GFER: variants seen among roughly 807,000 people sequenced by gnomAD.
GFER encodes growth factor, augmenter of liver regeneration, also known as FAD-linked sulfhydryl oxidase ALR.
A neutral mutation model predicts 18.2 loss-of-function variants in GFER; 24 were observed. The ratio of observed to expected loss-of-function variants is 1.32; its 90% confidence interval spans 0.96 to 1.86. The LOEUF (loss-of-function observed/expected upper bound fraction) is 1.86. Ranked by LOEUF, GFER falls within the 40% of genes most tolerant of loss-of-function variation. The pLI, the probability that GFER is intolerant of heterozygous loss-of-function variation, is 0.00. For missense variants in GFER, 316 were observed against 295.6 expected (o/e 1.07, Z -0.51); for synonymous variants, 138 against 126.9 (o/e 1.09, Z -0.59).
At position 1,984,784 on chromosome 16, in the gene GFER, G is replaced by A. The variant is rs1242356007; in HGVS notation, c.296G>A (p.Arg99His). ...TTTAGGGAGGACTGCCCGCCGGATCGCGAGGAACTGGGCCGCCACAGCTGG... is the reference window on the plus strand; with the variant it reads ...TTTAGGGAGGACTGCCCGCCGGATCACGAGGAACTGGGCCGCCACAGCTGG... The part of the protein sequence containing the change: ...TKFREDCPPD[R>H]EELGRHSWAV... The change falls in exon 2 of 3, where the codon CGC becomes CAC. Residue 99 changes from arginine to histidine, a missense_variant. Arg to His is a conservative substitution (Grantham distance 29, BLOSUM62 0). Transcript: ENST00000248114. 25 of 1,611,906 alleles carry A rather than the reference G, an allele frequency of 1.6e-5. No homozygotes were observed. The highest frequency in any genetic ancestry group is 2.1e-5 in the Non-Finnish European group (25 of 1,179,992).
chr16:1,986,996 G>A lies in GFER; in HGVS notation c.*968G>A, dbSNP rs2083570519. ...CCAGGGGATGGCATGGAGTGATGTGGCTTTGAAGGGTCCTCTGGCTGCTGA... is the reference window on the plus strand; with the variant it reads ...CCAGGGGATGGCATGGAGTGATGTGACTTTGAAGGGTCCTCTGGCTGCTGA... On this transcript the variant is annotated 3_prime_UTR_variant, in exon 3 of 3. Coordinates refer to ENST00000248114, the MANE Select transcript of GFER (RefSeq NM_005262.3). 1.3e-5 allele frequency: 2 copies of A among 152,424 alleles called. No individual in the cohort carries two copies. The highest frequency in any genetic ancestry group is 2.9e-5 in the Non-Finnish European group (2 of 68,250). The allele number at this position is 152,424 out of a possible 1,614,324, so 9.4% of individuals were successfully genotyped here. A position where few individuals can be genotyped will look rare whatever the true frequency, so the allele number is the denominator to read the frequency against.
chr16:1,985,561 C>T (rs145441654), intron 2 of GFER, among the ~76,000 whole-genome samples: 237 of 152,324 alleles, frequency 1.6e-3, no homozygotes, highest in Non-Finnish European at 2.5e-3. Context: ...CACTGGATGC[C>T]GCTTCCTGGG....
intron 2 of GFER, 29 bp from the exon 3 acceptor site, chr16:1,985,837 C>T (rs2083563259): frequency 6.2e-7 from 1 of 1,605,772 alleles, no homozygotes; most frequent in Non-Finnish European, 8.5e-7. Context: ...GCTGCGTCCT[C>T]TCATTCTTTA....
chr16:1,984,886 T>C lies in GFER; in HGVS notation c.398T>C (p.Ile133Thr). ...CAGCAGCAAGACATGGCCCAGTTCA[T>C]ACATTTATTTTCTAAGTTTTACCCC... The part of the protein sequence containing the change: ...PEQQQDMAQF[I>T]HLFSKFYPCE... Residue 133 changes from isoleucine (I) to threonine (T), a missense_variant, in exon 2 of 3, where the codon ATA (isoleucine) becomes ACA (threonine). Physicochemically the swap from Ile to Thr is moderately conservative, Grantham distance 89 (BLOSUM62 -1). Coordinates refer to ENST00000248114, the MANE Select transcript of GFER (RefSeq NM_005262.3). 1 of 1,613,844 alleles carries C rather than the reference T, an allele frequency of 6.2e-7. No individual in the cohort carries two copies. The highest frequency in any genetic ancestry group is 8.5e-7 in the Non-Finnish European group (1 of 1,179,994).
rs2083555170 is a variant in GFER, at chr16:1,984,878, C to T, written c.390C>T (p.Ala130=). 3 of 1,613,652 alleles carry T rather than the reference C, an allele frequency of 1.9e-6. No individual in the cohort carries two copies. Among genetic ancestry groups the T allele is most frequent in the African/African-American group, 1.3e-5 (1 of 74,940 alleles). Residue 130 remains alanine, a synonymous_variant, in exon 2 of 3, where the codon GCC becomes GCT. Coordinates refer to ENST00000248114, the MANE Select transcript of GFER (RefSeq NM_005262.3). Reference sequence around the variant, plus strand: ...CCCCAGAACAGCAGCAAGACATGGCCCAGTTCATACATTTATTTTCTAAGT... The same window carrying T: ...CCCCAGAACAGCAGCAAGACATGGCTCAGTTCATACATTTATTTTCTAAGT... The part of the protein sequence containing the change: ...LPTPEQQQDM[A]QFIHLFSKFY...
chr16:1,985,148 G>A (rs2083557577), intron 2 of GFER: 1 of 640,228 alleles, frequency 1.6e-6, no homozygotes, highest in Admixed American at 2.3e-5. Flanking sequence ...ATCTGCTGCT[G>A]GGTACTGCTC....
Position 1,987,138 on chromosome 16 carries a change from TAAAG to T in GFER, c.*1111_*1114del, listed in dbSNP as rs1173438431. On this transcript the variant is annotated 3_prime_UTR_variant, in exon 3 of 3. Coordinates refer to ENST00000248114, the MANE Select transcript of GFER (RefSeq NM_005262.3). The stretch of plus-strand genomic sequence containing the variant: ...CGGCGGGGACAGATGCGGGGTACGT[TAAAG>T]GGAGAGCCAGAGAACTCATGGGGTG... 6.6e-6 allele frequency: 1 copy of T among 150,660 alleles called. No individual in the cohort carries two copies. The highest frequency in any genetic ancestry group is 1.5e-5 in the Non-Finnish European group (1 of 67,950). 9.3% of individuals were successfully genotyped at this position (150,660 alleles called of 1,614,324 possible). A position where few individuals can be genotyped will look rare whatever the true frequency, so the allele number is the denominator to read the frequency against.
At position 1,986,249 on chromosome 16, in the gene GFER, G is replaced by T; in HGVS notation, c.*221G>T. ...GCCCCCTCCTCAGTGGAGACCCCAAGGAGCTGCAGCTGAACTGCAGGGGAG... is the reference window on the plus strand; with the variant it reads ...GCCCCCTCCTCAGTGGAGACCCCAATGAGCTGCAGCTGAACTGCAGGGGAG... On this transcript the variant is annotated 3_prime_UTR_variant, in exon 3 of 3. Transcript: ENST00000248114. The T allele has an allele frequency of 1.7e-6, 1 of 585,492 alleles. No homozygotes were observed. The highest frequency in any genetic ancestry group is 3.1e-6 in the Non-Finnish European group (1 of 322,898). The allele number at this position is 585,492 out of a possible 1,614,324, so 36.3% of individuals were successfully genotyped here.
chr16:1,986,275 G>A lies in GFER; in HGVS notation c.*247G>A. 3.7e-6 allele frequency: 2 copies of A among 542,864 alleles called. No homozygotes were observed. The highest frequency in any genetic ancestry group is 5.9e-5 in the Admixed American group (2 of 33,846). The allele number at this position is 542,864 out of a possible 1,614,324, so 33.6% of individuals were successfully genotyped here. A position where few individuals can be genotyped will look rare whatever the true frequency, so the allele number is the denominator to read the frequency against. ...GAGCTGCAGCTGAACTGCAGGGGAG[G>A]GAAGGAGGAGCAGCCTGGGCTGCCC... On this transcript the variant is annotated 3_prime_UTR_variant, in exon 3 of 3. Coordinates refer to ENST00000248114, the MANE Select transcript of GFER (RefSeq NM_005262.3).
In GFER at chr16:1,984,393, T is replaced by C; in HGVS notation, c.175T>C (p.Ser59Pro). 6.5e-7 allele frequency: 1 copy of C among 1,535,888 alleles called. No homozygotes were observed. The highest frequency in any genetic ancestry group is 1.2e-5 in the South Asian group (1 of 83,928). ...GCCAGCCCAGGCGCCGACCTCCGAT[T>C]CTCCTGTCGCCGAGGACGCCTCCCG... Reference protein sequence around the residue: ...STPAQAPTSDSPVAEDASRRR... With the variant: ...STPAQAPTSDPPVAEDASRRR... Residue 59 changes from serine to proline, a missense_variant, in exon 1 of 3, where the codon TCT (serine) becomes CCT (proline). Coordinates refer to ENST00000248114, the MANE Select transcript of GFER (RefSeq NM_005262.3).
In GFER at chr16:1,984,835, A is replaced by G; in HGVS notation, c.347A>G (p.Tyr116Cys). Residue 116 changes from tyrosine (Y) to cysteine (C), a missense_variant, in exon 2 of 3, where the codon TAC becomes TGC. Physicochemically the swap from Tyr to Cys is radical, Grantham distance 194. Transcript: ENST00000248114. ...GCTGTCCTCCACACCCTGGCCGCCT[A>G]CTACCCCGACCTGCCCACCCCAGAA... ...SWAVLHTLAA[Y>C]YPDLPTPEQQ... 2 of 1,613,538 alleles carry G rather than the reference A, an allele frequency of 1.2e-6. No homozygotes were observed.
intron 2 of GFER, among the ~76,000 whole-genome samples, 174 bp from the exon 3 acceptor site, chr16:1,985,692 G>A (rs895978235): frequency 7.2e-5 from 11 of 152,324 alleles, no homozygotes; most frequent in African/African-American, 1.7e-4. Flanking sequence ...TCACACCCGG[G>A]GAGCTGCAGG....
chr16:1,984,624 G>T, intron 1 of GFER, 123 bp from the exon 2 acceptor site: 1 of 1,363,588 alleles, frequency 7.3e-7, no homozygotes, highest in Non-Finnish European at 1.0e-6. Context: ...TCCGCGCGTG[G>T]GTTGGATCGT....
At position 1,986,396 on chromosome 16, in the gene GFER, C is replaced by A; in HGVS notation, c.*368C>A. ...CGGGCCTGGCTGGGCATCCCTGTGC[C>A]TGTCCCTGGCGGCCAGGCCATTGCC... On this transcript the variant is annotated 3_prime_UTR_variant, in exon 3 of 3. Coordinates refer to ENST00000248114, the MANE Select transcript of GFER (RefSeq NM_005262.3). 1 of 362,584 alleles carries A rather than the reference C, an allele frequency of 2.8e-6. No homozygotes were observed. Among genetic ancestry groups the A allele is most frequent in the Non-Finnish European group, 5.4e-6 (1 of 185,324 alleles). The allele number at this position is 362,584 out of a possible 1,614,324, so 22.5% of individuals were successfully genotyped here.
chr16:1,984,350 G>A lies in GFER; in HGVS notation c.132G>A (p.Ala44=), dbSNP rs1397452380. 1.3e-6 allele frequency: 2 copies of A among 1,508,548 alleles called. No homozygotes were observed. The highest frequency in any genetic ancestry group is 1.8e-6 in the Non-Finnish European group (2 of 1,135,318). The allele number at this position is 1,508,548 out of a possible 1,614,324, so 93.4% of individuals were successfully genotyped here. The change falls in exon 1 of 3, where the codon GCG becomes GCA. Residue 44 remains alanine (A), a synonymous_variant. Coordinates refer to ENST00000248114, the MANE Select transcript of GFER (RefSeq NM_005262.3). ...ARGRGAGRRD[A]AASASTPAQA... is the part of the protein sequence containing the mutation. ...GCCGGGGCGCGGGGCGGAGAGACGCGGCCGCCTCGGCCTCGACGCCAGCCC... is the reference window on the plus strand; with the variant it reads ...GCCGGGGCGCGGGGCGGAGAGACGCAGCCGCCTCGGCCTCGACGCCAGCCC...
At chr16:1,985,726 T>C in intron 2 of GFER, 140 bp from the exon 3 acceptor site, 1 of 831,224 alleles carries the variant, frequency 1.2e-6, no homozygotes, top group South Asian at 1.3e-5. Flanking sequence ...TGGGAGTGCC[T>C]GTACCTTGGA....
chr16:1,986,030 G>C lies in GFER; in HGVS notation c.*2G>C. 2 of 1,612,358 alleles carry C rather than the reference G, an allele frequency of 1.2e-6. No individual in the cohort carries two copies. The highest frequency in any genetic ancestry group is 1.1e-5 in the South Asian group (1 of 91,068). ...TGGAAGGATGGCTCCTGTGACTAGAGGGTGGTCAGCCAGAGCTCATGGGAC... is the reference window on the plus strand; with the variant it reads ...TGGAAGGATGGCTCCTGTGACTAGACGGTGGTCAGCCAGAGCTCATGGGAC... On this transcript the variant is annotated 3_prime_UTR_variant, in exon 3 of 3. Transcript: ENST00000248114.
intron 2 of GFER, among the ~76,000 whole-genome samples, chr16:1,985,458 G>A (rs1345225210): frequency 6.6e-6 from 1 of 152,188 alleles, no homozygotes; most frequent in African/African-American, 2.4e-5. Context: ...GACGCACCAG[G>A]GCCTGCCCTC....
At chr16:1,984,964 G>A (rs760336801) in intron 2 of GFER, 21 bp downstream of exon 2, 1 of 1,573,520 alleles carries the variant, frequency 6.4e-7, no homozygotes, top group South Asian at 1.1e-5. Flanking sequence ...TTTGCACGCA[G>A]CAGAGCTTTG....
Sources: allele counts gnomAD v4.1 joint callset (sites outside exome capture counted in the v4.1 genomes callset), GRCh38; gene constraint gnomAD v4.1.1; transcripts MANE v1.5; gene names NCBI Gene and HGNC (gene_info 2026-07-23, HGNC 2026-07-21).